Variants in RASSF3 observed in about 807,000 individuals in gnomAD.
RASSF3 encodes the protein ras association domain-containing protein 3.
In RASSF3, 19 loss-of-function variants were observed where a neutral mutation model predicts 19.9. The ratio of observed to expected loss-of-function variants is 0.96; its 90% CI spans 0.67 to 1.40. The LOEUF (loss-of-function observed/expected upper bound fraction) is 1.40, where lower values mean the gene tolerates loss of function less well. Ranked by LOEUF, RASSF3 falls within the 40% of genes most tolerant of loss-of-function variation. The probability of loss-of-function intolerance (pLI) is 0.00; values close to 1 mark genes in which losing one functional copy is unlikely to be tolerated. For missense variants in RASSF3, 306 were observed against 289.8 expected (o/e 1.06, Z -0.41); for synonymous variants, 110 against 104.2 (o/e 1.06, Z -0.34).
At position 64,613,347 on chromosome 12, in the gene RASSF3, A is replaced by ATT. The variant is rs372033341; in HGVS notation, c.111+2617_111+2618dup. Among the ~76,000 whole-genome samples the ATT allele has an allele frequency of 3.9e-3, 568 of 145,558 alleles. 6 individuals are homozygous for ATT. The highest frequency in any genetic ancestry group is 0.013 in the African/African-American group (521 of 39,840). On this transcript the variant is annotated intron_variant, in intron 1 of 4. Coordinates refer to ENST00000542104, the MANE Select transcript of RASSF3 (RefSeq NM_178169.4). ...AGAAGGATCTATTAGAGATACAGTGATTTTTTTTTTTTTTGGATGCTGTAC... is the reference window on the plus strand; with the variant it reads ...AGAAGGATCTATTAGAGATACAGTGATTTTTTTTTTTTTTTTGGATGCTGTAC...
intron 1 of RASSF3, among the ~76,000 whole-genome samples, chr12:64,659,065 A>G (rs984968052): frequency 6.6e-5 from 10 of 152,162 alleles, no homozygotes; most frequent in African/African-American, 2.4e-4. Context: ...AGAAAAAAGA[A>G]CAAATTGTGG....
At chr12:64,588,705 A>G (rs1869858733) in intron 2 of RASSF3, among the ~76,000 whole-genome samples, 1 of 152,100 alleles carries the variant, frequency 6.6e-6, no homozygotes, top group South Asian at 2.1e-4. Flanking sequence ...TCTTTGCATT[A>G]GTTATCTTTA....
rs1453073941 is a variant in RASSF3 at position 64,561,738 on chromosome 12, G to C, written c.294+20033G>C. 4.1e-5 allele frequency among the ~76,000 whole-genome samples: 4 copies of C among 96,438 alleles called. No individual in the cohort carries two copies. In the East Asian group the frequency reaches 1.3e-3, roughly 30 times the overall value. The allele number at this position is 96,438 out of a possible 152,430, so 63.3% of individuals were successfully genotyped here. A position where few individuals can be genotyped will look rare whatever the true frequency, so the allele number is the denominator to read the frequency against. ...ATCTTTTTTTTTTTTTTTTTGAGAT[G>C]GAGTCTCACTATGTCATGATCTCAG... On this transcript the variant is annotated intron_variant, in intron 2 of 5. Transcript: ENST00000637125.
intron 1 of RASSF3, among the ~76,000 whole-genome samples, chr12:64,616,995 A>T (rs532121921): frequency 6.6e-6 from 1 of 152,206 alleles, no homozygotes; most frequent in African/African-American, 2.4e-5. Flanking sequence ...ATTTTGTTTA[A>T]TGAGGACAGA....
chr12:64,531,005 C>G (rs1445211502), upstream of RASSF3, among the ~76,000 whole-genome samples: 1 of 152,034 alleles, frequency 6.6e-6, no homozygotes, highest in African/African-American at 2.4e-5. Flanking sequence ...TCGTCTTTTC[C>G]TTCTCTTAAT....
chr12:64,600,033 C>CAAAAAAA (rs34515445), intron 2 of RASSF3, among the ~76,000 whole-genome samples: 28 of 63,976 alleles, frequency 4.4e-4, no homozygotes, highest in African/African-American at 7.2e-4. Context: ...GACTCCATCT[C>CAAAAAAA]AAAAAAAAAA....
At chr12:64,549,462 A>G (rs956578108) in intron 2 of RASSF3, among the ~76,000 whole-genome samples, 1 of 152,170 alleles carries the variant, frequency 6.6e-6, no homozygotes. Context: ...ACACACTCAG[A>G]TTTTTAATTA....
rs34522445 is a variant in RASSF3, at chr12:64,584,879, C to CTTTTTT, written c.294+43192_294+43197dup. 1.9e-3 allele frequency among the ~76,000 whole-genome samples: 154 copies of CTTTTTT among 80,776 alleles called. 8 individuals carry two copies. Among genetic ancestry groups the CTTTTTT allele is most frequent in the African/African-American group, 3.5e-3 (72 of 20,484 alleles). 53.0% of individuals were successfully genotyped at this position (80,776 alleles called of 152,430 possible). Reference sequence around the variant, plus strand: ...CACCCTGGAAAAGCACAGAAGGATTCTTTTTTTTTTTTTTTTTTTTTTTGA... The same window carrying CTTTTTT: ...CACCCTGGAAAAGCACAGAAGGATTCTTTTTTTTTTTTTTTTTTTTTTTTTTTTTGA... On this transcript the variant is annotated intron_variant, in intron 2 of 5. Transcript: ENST00000637125.
At chr12:64,519,587 T>C (rs905649979) in intron 1 of RASSF3, among the ~76,000 whole-genome samples, 6 of 152,116 alleles carry the variant, frequency 3.9e-5, no homozygotes, top group African/African-American at 1.4e-4. Flanking sequence ...AATCTGTGCA[T>C]TTTATTGTAT....
intron 4 of RASSF3, 29 bp downstream of exon 4, chr12:64,691,608 C>G: frequency 8.4e-7 from 1 of 1,196,036 alleles, no homozygotes; most frequent in African/African-American, 1.9e-5. Flanking sequence ...TTGCTTTAAA[C>G]TATACAGAAC....
At chr12:64,558,085 G>A (rs530553861) in intron 2 of RASSF3, among the ~76,000 whole-genome samples, 33 of 152,300 alleles carry the variant, frequency 2.2e-4, no homozygotes, top group African/African-American at 7.2e-4. Flanking sequence ...TAGTAGGCTT[G>A]CCAAAAAGTG....
At chr12:64,535,784 T>A (rs1326169519) in intron 1 of RASSF3, among the ~76,000 whole-genome samples, 2 of 150,888 alleles carry the variant, frequency 1.3e-5, no homozygotes, top group African/African-American at 2.4e-5. Context: ...GCCTTCCGGG[T>A]TCCAGTGATT....
At chr12:64,532,606 T>G (rs1309495508), upstream of RASSF3, among the ~76,000 whole-genome samples, 2 of 151,702 alleles carry the variant, frequency 1.3e-5, no homozygotes, top group Non-Finnish European at 2.9e-5. Context: ...GAGGACTGCT[T>G]AAGTCCAGGG....
At chr12:64,644,673 G>A (rs560036324) in intron 1 of RASSF3, among the ~76,000 whole-genome samples, 360 of 146,530 alleles carry the variant, frequency 2.5e-3, no homozygotes, top group Non-Finnish European at 3.8e-3. Context: ...CTCCAGCCTG[G>A]GCAGCAGAGA....
At chr12:64,555,126 C>G (rs960998669) in intron 2 of RASSF3, among the ~76,000 whole-genome samples, 1 of 151,984 alleles carries the variant, frequency 6.6e-6, no homozygotes, top group Non-Finnish European at 1.5e-5. Flanking sequence ...CATCTGTAAT[C>G]CCAGCTACTC....
downstream of RASSF3, among the ~76,000 whole-genome samples, chr12:64,543,428 CGCCCGCCCCCCCCGT>C (rs1272282824): frequency 2.8e-3 from 134 of 48,608 alleles, 5 homozygotes; most frequent in African/African-American, 0.012. Flanking sequence ...CCCGGCTCCC[CGCCCGCCCCCCCCGT>C]GCCCGCCCGC....
rs1193955402 is a variant in RASSF3, at chr12:64,516,597, C to T, written c.169+9268C>T. 2.1e-3 allele frequency among the ~76,000 whole-genome samples: 287 copies of T among 135,998 alleles called. 2 individuals carry two copies. The highest frequency in any genetic ancestry group is 7.6e-3 in the African/African-American group (264 of 34,578). 89.2% of individuals were successfully genotyped at this position (135,998 alleles called of 152,430 possible). On this transcript the variant is annotated intron_variant, in intron 1 of 5. Transcript: ENST00000637125. ...TCCCGCCACTGCACTCCAGCCTGGG[C>T]GACAGAGCGAGACTCCGTCTCAAAA...
At chr12:64,554,561 T>C (rs1195329106) in intron 2 of RASSF3, among the ~76,000 whole-genome samples, 1 of 152,134 alleles carries the variant, frequency 6.6e-6, no homozygotes, top group African/African-American at 2.4e-5. Context: ...CACCTTGGCT[T>C]CCTAAACTGC....
chr12:64,532,338 T>C (rs1378062222), upstream of RASSF3, among the ~76,000 whole-genome samples: 2 of 151,732 alleles, frequency 1.3e-5, no homozygotes, highest in African/African-American at 2.4e-5. Flanking sequence ...TGATCTAACC[T>C]ATCATGTGAA....
Sources: allele counts gnomAD v4.1 joint callset (sites outside exome capture counted in the v4.1 genomes callset), GRCh38; gene constraint gnomAD v4.1.1; transcripts MANE v1.5; gene names NCBI Gene and HGNC (gene_info 2026-07-23, HGNC 2026-07-21).